Variants in PTPRF observed in about 807,000 individuals in gnomAD.
PTPRF encodes protein tyrosine phosphatase receptor type F.
Under a neutral mutation model 201.8 loss-of-function variants are expected in PTPRF, and 59 were observed. That is an observed-to-expected ratio of 0.29 (90% CI 0.24 to 0.36). The LOEUF (loss-of-function observed/expected upper bound fraction) is 0.36, where lower values mean the gene tolerates loss of function less well. PTPRF is among the 10% of genes least tolerant of loss of function. PTPRF has a pLI of 1.00. For missense variants in PTPRF, 2,132 were observed against 2,690.5 expected (o/e 0.79, Z 4.59); for synonymous variants, 1,088 against 1,089.7 (o/e 1.00, Z 0.03).
At chr1:43,567,007 C>T (rs1239023445) in intron 5 of PTPRF, among the ~76,000 whole-genome samples, 1 of 152,176 alleles carries the variant, frequency 6.6e-6, no homozygotes, top group Non-Finnish European at 1.5e-5. Context: ...GAGTAGATTC[C>T]GAGACACAGG....
At chr1:43,620,279 T>C (rs957453520) in intron 30 of PTPRF, 58 bp downstream of exon 30, 105 of 1,600,594 alleles carry the variant, frequency 6.6e-5, no homozygotes, top group Non-Finnish European at 1.3e-5. Context: ...CCAGCCACCC[T>C]TGGGGGAGCT....
intron 11 of PTPRF, 23 bp from the exon 12 acceptor site, chr1:43,597,725 T>TCCCCCCCAATTTTGTTC: frequency 7.3e-7 from 1 of 1,376,558 alleles, no homozygotes; most frequent in Non-Finnish European, 1.0e-6. Flanking sequence ...TCTGCTTGCT[T>TCCCCCCCAATTTTGTTC]CCCCCCCATT....
At chr1:43,573,133 A>G (rs1006749234) in intron 6 of PTPRF, among the ~76,000 whole-genome samples, 2 of 152,112 alleles carry the variant, frequency 1.3e-5, no homozygotes, top group Non-Finnish European at 2.9e-5. Context: ...GTGATGTGAC[A>G]TGCTGCCAAA....
intron 22 of PTPRF, among the ~76,000 whole-genome samples, chr1:43,612,397 CT>C (rs533872596): frequency 4.7e-4 from 71 of 152,218 alleles, no homozygotes; most frequent in Admixed American, 1.6e-3. Context: ...AAGGAGGGCT[CT>C]TTTTTCCAAC....
At chr1:43,596,443 G>A (rs901176839) in intron 11 of PTPRF, among the ~76,000 whole-genome samples, 1 of 152,176 alleles carries the variant, frequency 6.6e-6, no homozygotes, top group African/African-American at 2.4e-5. Context: ...CCTGTGCATT[G>A]CAGCAGAGTC....
chr1:43,613,278 C>T (rs886317956), intron 22 of PTPRF: 12 of 346,122 alleles, frequency 3.5e-5, no homozygotes, highest in Non-Finnish European at 6.7e-5. Context: ...GAGCCCAGCT[C>T]CTGTCACGTC....
intron 6 of PTPRF, 104 bp from the exon 7 acceptor site, chr1:43,578,706 A>G: frequency 4.7e-6 from 4 of 847,204 alleles, no homozygotes; most frequent in Non-Finnish European, 7.6e-6. Flanking sequence ...ATGAGCTTCG[A>G]CATCTGGTCA....
At chr1:43,597,170 A>G (rs1652499609) in intron 11 of PTPRF, among the ~76,000 whole-genome samples, 1 of 152,084 alleles carries the variant, frequency 6.6e-6, no homozygotes, top group African/African-American at 2.4e-5. Flanking sequence ...AGACTGTGAG[A>G]CACTATGTGT....
At chr1:43,595,155 C>G (rs1191655766) in intron 11 of PTPRF, among the ~76,000 whole-genome samples, 2 of 152,142 alleles carry the variant, frequency 1.3e-5, no homozygotes, top group Admixed American at 1.3e-4. Flanking sequence ...AAGGGGACCA[C>G]TATGGCTAGA....
intron 3 of PTPRF, among the ~76,000 whole-genome samples, chr1:43,550,910 T>C (rs1292760755): frequency 2.6e-5 from 4 of 152,100 alleles, no homozygotes; most frequent in East Asian, 3.9e-4. Flanking sequence ...AGCAGCAGCT[T>C]ATGCAAAGGC....
chr1:43,528,526 T>C (rs1643215098), upstream of PTPRF: 1 of 152,178 alleles, frequency 6.6e-6, no homozygotes, highest in East Asian at 1.9e-4. Flanking sequence ...ATATTATAAC[T>C]GCATGCAAGA....
chr1:43,602,040 G>A, intron 13 of PTPRF, 31 bp from the exon 14 acceptor site: 1 of 1,607,828 alleles, frequency 6.2e-7, no homozygotes, highest in African/African-American at 1.3e-5. Context: ...TCACCATCCT[G>A]TCTCCCTTTC....
intron 13 of PTPRF, among the ~76,000 whole-genome samples, chr1:43,600,697 C>T (rs1422226534): frequency 4.0e-5 from 6 of 150,926 alleles, no homozygotes; most frequent in Non-Finnish European, 8.8e-5. Context: ...TCTCCTTTTA[C>T]GTCAGATTCC....
chr1:43,620,715 C>G, intron 31 of PTPRF, 123 bp from the exon 32 acceptor site: 2 of 1,522,352 alleles, frequency 1.3e-6, no homozygotes, highest in Non-Finnish European at 1.8e-6. Context: ...CACATCTCCC[C>G]CTGTGGCCTC....
intron 2 of PTPRF, among the ~76,000 whole-genome samples, chr1:43,538,843 G>T (rs1187435275): frequency 5.3e-5 from 8 of 152,210 alleles, no homozygotes; most frequent in African/African-American, 1.9e-4. Flanking sequence ...TAGAAGCACA[G>T]AATGGGTGGG....
intron 12 of PTPRF, 113 bp from the exon 13 acceptor site, chr1:43,598,607 G>A (rs557296564): frequency 4.0e-6 from 4 of 992,630 alleles, no homozygotes; most frequent in African/African-American, 1.6e-5. Flanking sequence ...AACTGTATCA[G>A]GGCCTTTCCT....
intron 7 of PTPRF, among the ~76,000 whole-genome samples, chr1:43,585,668 G>A (rs769435337): frequency 3.3e-5 from 5 of 152,182 alleles, no homozygotes; most frequent in Non-Finnish European, 5.9e-5. Context: ...TTTAGAAGAC[G>A]TGGCTCAGGG....
chr1:43,592,545 C>T lies in PTPRF; in HGVS notation c.1757C>T (p.Ser586Leu), dbSNP rs1651088798. ...TLYRFQLAAR[S>L]DMGVGVFTPT... ...TACCGCTTCCAGCTGGCTGCACGCT[C>T]GGATATGGGGGTGGGCGTCTTCACC... Residue 586 changes from serine (S) to leucine (L), a missense_variant, in exon 11 of 34, where the codon TCG becomes TTG. Physicochemically the swap from Ser to Leu is moderately radical, Grantham distance 145. Around this residue, in one of 6 missense-constraint regions of PTPRF, gnomAD observed 351 missense variants for 401.7 expected, o/e 0.87. Coordinates refer to ENST00000359947, the MANE Select transcript of PTPRF (RefSeq NM_002840.5). 1.2e-6 allele frequency: 2 copies of T among 1,611,668 alleles called. No homozygotes were observed. The highest frequency in any genetic ancestry group is 1.3e-5 in the African/African-American group (1 of 74,838).
Position 43,610,810 on chromosome 1 carries a change from G to A in PTPRF, c.3973+1312G>A, listed in dbSNP as rs201940983. On this transcript the variant is annotated intron_variant, in intron 22 of 33. Transcript: ENST00000359947. ...AACCCAGGAGGTAGAGGTTGCGTGA[G>A]CCAAGATCGTACCATCGCATTCCAG... is the stretch of plus-strand genomic sequence containing the variant. Among the ~76,000 whole-genome samples, 4 of 152,338 alleles carry A rather than the reference G, an allele frequency of 2.6e-5. No individual in the cohort carries two copies. In the East Asian group the frequency reaches 7.7e-4, roughly 29 times the overall value.
Sources: allele counts gnomAD v4.1 joint callset (sites outside exome capture counted in the v4.1 genomes callset), GRCh38; gene constraint gnomAD v4.1.1; regional missense constraint gnomAD v4.1.1; transcripts MANE v1.5; gene names NCBI Gene and HGNC (gene_info 2026-07-23, HGNC 2026-07-21).